Variants in DENND5B observed in about 807,000 individuals in gnomAD.
DENND5B encodes DENN domain-containing protein 5B.
Under a neutral mutation model 140.6 loss-of-function variants are expected in DENND5B, and 34 were observed. The observed-to-expected ratio is 0.24, with a 90% CI of 0.18 to 0.32. The LOEUF (loss-of-function observed/expected upper bound fraction) is 0.32. Ranked by LOEUF, DENND5B falls within the 10% of genes least tolerant of loss-of-function variation. The pLI is 1.00. For missense variants in DENND5B, 1,142 were observed against 1,560.2 expected, an observed-to-expected ratio of 0.73 and a Z score of 4.52; for synonymous variants, 551 against 562.1, an observed-to-expected ratio of 0.98 and a Z score of 0.28.
At chr12:31,421,620 G>A (rs1228587861) in intron 11 of DENND5B, among the ~76,000 whole-genome samples, 1 of 152,066 alleles carries the variant, frequency 6.6e-6, no homozygotes, top group Non-Finnish European at 1.5e-5. Flanking sequence ...CGCAATCTTG[G>A]CTCACTGCAA....
chr12:31,459,594 A>AT (rs137934314), intron 4 of DENND5B, among the ~76,000 whole-genome samples: 6 of 152,074 alleles, frequency 3.9e-5, no homozygotes, highest in Non-Finnish European at 8.8e-5. Flanking sequence ...CGCCTGGCCT[A>AT]TTTTTTTAAA....
At chr12:31,544,419 T>C (rs1017741824) in intron 1 of DENND5B, among the ~76,000 whole-genome samples, 6 of 152,152 alleles carry the variant, frequency 3.9e-5, no homozygotes, top group Non-Finnish European at 5.9e-5. Context: ...GCAGATGGAA[T>C]TGCTGGCATG....
At chr12:31,445,642 T>G (rs1200095246) in intron 6 of DENND5B, among the ~76,000 whole-genome samples, 1 of 151,382 alleles carries the variant, frequency 6.6e-6, no homozygotes, top group African/African-American at 2.4e-5. Context: ...GAGGCAGAGG[T>G]TGCAGTGAGC....
chr12:31,543,434 CAA>C (rs2139183941), intron 1 of DENND5B, among the ~76,000 whole-genome samples: 1 of 152,172 alleles, frequency 6.6e-6, no homozygotes, highest in African/African-American at 2.4e-5. Flanking sequence ...GATACCTTTT[CAA>C]AGTTTTTATA....
chr12:31,540,764 A>G (rs1948659326), intron 1 of DENND5B, among the ~76,000 whole-genome samples: 1 of 152,152 alleles, frequency 6.6e-6, no homozygotes, highest in Admixed American at 6.6e-5. Context: ...CTGAGGAAAA[A>G]AACAAAACGA....
chr12:31,572,576 C>T (rs1949866222), intron 1 of DENND5B, among the ~76,000 whole-genome samples: 1 of 146,414 alleles, frequency 6.8e-6, no homozygotes, highest in Non-Finnish European at 1.5e-5. Context: ...GAGTTATTAA[C>T]ACATAGCCAA....
chr12:31,430,951 C>T (rs1431796795), intron 8 of DENND5B, among the ~76,000 whole-genome samples: 1 of 152,108 alleles, frequency 6.6e-6, no homozygotes, highest in Non-Finnish European at 1.5e-5. Flanking sequence ...GCTGCCTCTG[C>T]AAATTGCAAA....
At chr12:31,572,212 G>A (rs1949849891) in intron 1 of DENND5B, among the ~76,000 whole-genome samples, 1 of 149,576 alleles carries the variant, frequency 6.7e-6, no homozygotes, top group South Asian at 2.1e-4. Flanking sequence ...CAACAAGAGC[G>A]AAACTCTGTC....
chr12:31,491,379 G>A (rs899268018), intron 2 of DENND5B, among the ~76,000 whole-genome samples: 7 of 152,270 alleles, frequency 4.6e-5, no homozygotes, highest in East Asian at 3.9e-4. Context: ...CTTGAACACC[G>A]GAGGCAGAGG....
Position 31,590,947 on chromosome 12 carries a change from G to T in DENND5B, c.-115C>A. The T allele has an allele frequency of 4.6e-6, 5 of 1,084,976 alleles. No homozygotes were observed. Among genetic ancestry groups the T allele is most frequent in the Non-Finnish European group, 5.6e-6 (5 of 887,638 alleles). The allele number at this position is 1,084,976 out of a possible 1,614,324, so 67.2% of individuals were successfully genotyped here. A position where few individuals can be genotyped will look rare whatever the true frequency, so the allele number is the denominator to read the frequency against. On this transcript the variant is annotated 5_prime_UTR_variant, in exon 1 of 21. Coordinates refer to ENST00000389082, the MANE Select transcript of DENND5B (RefSeq NM_144973.4). ...GCGCCCGCCCTAGGGCGACACTGGCGCGCCCATGGCCGCGCAGCCGCCTCT... is the reference window on the plus strand; with the variant it reads ...GCGCCCGCCCTAGGGCGACACTGGCTCGCCCATGGCCGCGCAGCCGCCTCT...
At chr12:31,409,877 CCTCCTGCCTCAGT>C (rs1942359195) in intron 13 of DENND5B, among the ~76,000 whole-genome samples, 1 of 152,042 alleles carries the variant, frequency 6.6e-6, no homozygotes, top group Non-Finnish European at 1.5e-5. Flanking sequence ...CTCAAGAAAT[CCTCCTGCCTCAGT>C]CTCCCAAAAT....
intron 3 of DENND5B, 25 bp downstream of exon 3, chr12:31,479,564 A>T: frequency 6.9e-7 from 1 of 1,458,642 alleles, no homozygotes; most frequent in African/African-American, 1.4e-5. Context: ...GTTTTTGGAA[A>T]ATGTAAAATC....
chr12:31,554,544 G>A (rs1025960347), intron 1 of DENND5B, among the ~76,000 whole-genome samples: 4 of 152,148 alleles, frequency 2.6e-5, no homozygotes, highest in Admixed American at 1.3e-4. Flanking sequence ...TATGTGTCTT[G>A]GAGTTGCTCT....
At chr12:31,471,442 C>T (rs935676807) in intron 3 of DENND5B, among the ~76,000 whole-genome samples, 2 of 151,202 alleles carry the variant, frequency 1.3e-5, no homozygotes, top group East Asian at 3.9e-4. Context: ...AGATTACAAT[C>T]GCACACCACC....
chr12:31,427,617 A>G (rs921069760), intron 8 of DENND5B, among the ~76,000 whole-genome samples: 1 of 151,910 alleles, frequency 6.6e-6, no homozygotes, highest in African/African-American at 2.4e-5. Flanking sequence ...AAAAAAAAAA[A>G]AAATCATCTG....
intron 1 of DENND5B, among the ~76,000 whole-genome samples, chr12:31,504,545 T>C (rs1267133046): frequency 6.6e-6 from 1 of 152,184 alleles, no homozygotes; most frequent in Non-Finnish European, 1.5e-5. Flanking sequence ...TTTATGAACC[T>C]TGGGGGCTGT....
intron 1 of DENND5B, among the ~76,000 whole-genome samples, chr12:31,511,802 C>T (rs1259436): frequency 0.078 from 11,841 of 151,676 alleles, 1,055 homozygotes; most frequent in African/African-American, 0.22. Context: ...TTATATACTC[C>T]AAAATTTTTA....
chr12:31,428,005 C>T (rs991266436), intron 8 of DENND5B, among the ~76,000 whole-genome samples: 1 of 152,160 alleles, frequency 6.6e-6, no homozygotes, highest in African/African-American at 2.4e-5. Context: ...TGTTTACCTG[C>T]TACCTCCCAA....
intron 2 of DENND5B, among the ~76,000 whole-genome samples, chr12:31,489,232 T>C (rs538158531): frequency 5.9e-5 from 9 of 152,266 alleles, no homozygotes; most frequent in Non-Finnish European, 1.0e-4. Flanking sequence ...TCTATGATGT[T>C]TGCACAATAA....
Sources: allele counts gnomAD v4.1 joint callset (sites outside exome capture counted in the v4.1 genomes callset), GRCh38; gene constraint gnomAD v4.1.1; transcripts MANE v1.5; gene names NCBI Gene and HGNC (gene_info 2026-07-23, HGNC 2026-07-21).